The following NTRK3 variants were observed in gnomAD, a reference collection of about 807,000 sequenced individuals.
The protein encoded by NTRK3 is NT-3 growth factor receptor.
Under a neutral mutation model 91.7 loss-of-function variants are expected in NTRK3, and 24 were observed. The observed-to-expected ratio is 0.26, with a 90% CI of 0.19 to 0.37. The LOEUF (loss-of-function observed/expected upper bound fraction) is 0.37. Among genes scored for constraint, NTRK3 ranks in the 10% least tolerant of loss-of-function variants. The pLI is 1.00. For synonymous variants in NTRK3, 483 were observed against 404.0 expected, an observed-to-expected ratio of 1.20 and a Z score of -2.34; for missense variants, 880 against 1,068.9, an observed-to-expected ratio of 0.82 and a Z score of 2.46.
intron 14 of NTRK3, among the ~76,000 whole-genome samples, chr15:87,945,999 A>G (rs888761917): frequency 6.6e-6 from 1 of 152,232 alleles, no homozygotes; most frequent in Non-Finnish European, 1.5e-5. Flanking sequence ...TATCTAAAAT[A>G]TATTAGACAT....
At chr15:88,040,320 A>G (rs1476293322) in intron 13 of NTRK3, among the ~76,000 whole-genome samples, 1 of 152,216 alleles carries the variant, frequency 6.6e-6, no homozygotes, top group Non-Finnish European at 1.5e-5. Flanking sequence ...CCCAGTCCCA[A>G]GAGAGGAGCC....
intron 3 of NTRK3, among the ~76,000 whole-genome samples, chr15:88,238,775 T>A (rs1401901284): frequency 6.6e-6 from 1 of 152,260 alleles, no homozygotes; most frequent in African/African-American, 2.4e-5. Context: ...ATGCCGTGAT[T>A]CAGCTCTTGA....
intron 3 of NTRK3, among the ~76,000 whole-genome samples, chr15:88,227,761 C>T (rs2050803956): frequency 6.6e-6 from 1 of 152,090 alleles, no homozygotes; most frequent in African/African-American, 2.4e-5. Context: ...TTCCTCCCTC[C>T]CCCTTTACCC....
At chr15:87,911,914 TTA>T (rs2067108191) in intron 17 of NTRK3, among the ~76,000 whole-genome samples, 1 of 152,230 alleles carries the variant, frequency 6.6e-6, no homozygotes, top group East Asian at 1.9e-4. Flanking sequence ...CTGTGAATGA[TTA>T]TGTGTCAATC....
chr15:88,184,352 T>C (rs930397181), intron 3 of NTRK3, 53 bp from the exon 4 acceptor site: 2 of 1,570,084 alleles, frequency 1.3e-6, no homozygotes, highest in Non-Finnish European at 1.7e-6. Flanking sequence ...GAAATGGGGC[T>C]GGCTTTGGAG....
At position 87,979,144 on chromosome 15, in the gene NTRK3, G is replaced by C; in HGVS notation, c.1586-38391C>G. On this transcript the variant is annotated intron_variant, in intron 14 of 18. Coordinates refer to ENST00000394480, the Ensembl canonical transcript of NTRK3. ...GAAAAAAGGAGCACAGTGATGATTG[G>C]AGGGAAGGGGCAACCCTGCCAGTGG... 3 of 624,100 alleles carry C rather than the reference G, an allele frequency of 4.8e-6. No individual in the cohort carries two copies. The East Asian group carries it at 8.2e-5, about 17-fold the overall frequency. The allele number at this position is 624,100 out of a possible 1,614,324, so 38.7% of individuals were successfully genotyped here. A position where few individuals can be genotyped will look rare whatever the true frequency, so the allele number is the denominator to read the frequency against.
chr15:88,012,030 G>A (rs910556516), intron 14 of NTRK3, among the ~76,000 whole-genome samples: 1 of 152,164 alleles, frequency 6.6e-6, no homozygotes, highest in African/African-American at 2.4e-5. Flanking sequence ...AACATGGGGA[G>A]AGAGCACAGC....
chr15:88,073,980 A>G (rs1306000829), intron 13 of NTRK3, among the ~76,000 whole-genome samples: 1 of 152,192 alleles, frequency 6.6e-6, no homozygotes, highest in Non-Finnish European at 1.5e-5. Context: ...GCCTCAGGTA[A>G]CTCACCAAAT....
At chr15:87,886,697 T>TATATATATATATACAC (rs1335887821) in intron 17 of NTRK3, among the ~76,000 whole-genome samples, 3 of 135,880 alleles carry the variant, frequency 2.2e-5, no homozygotes, top group South Asian at 2.3e-4. Context: ...TATATATATA[T>TATATATATATATACAC]ATACATATAT....
chr15:87,998,570 C>T (rs2075873323), intron 14 of NTRK3, among the ~76,000 whole-genome samples: 1 of 152,190 alleles, frequency 6.6e-6, no homozygotes, highest in African/African-American at 2.4e-5. Flanking sequence ...CTATATGAAT[C>T]CATATTCTGA....
At chr15:87,955,879 T>C (rs1427579746) in intron 14 of NTRK3, among the ~76,000 whole-genome samples, 2 of 152,132 alleles carry the variant, frequency 1.3e-5, no homozygotes, top group Non-Finnish European at 2.9e-5. Flanking sequence ...CATTAAACTT[T>C]ATAGTGTGTG....
At chr15:88,058,492 G>T (rs566291055) in intron 13 of NTRK3, among the ~76,000 whole-genome samples, 1 of 152,256 alleles carries the variant, frequency 6.6e-6, no homozygotes, top group South Asian at 2.1e-4. Flanking sequence ...TCAAACAGGG[G>T]AAGTTCTGTC....
intron 3 of NTRK3, among the ~76,000 whole-genome samples, chr15:88,222,599 G>T (rs1412879225): frequency 3.3e-5 from 5 of 152,214 alleles, no homozygotes; most frequent in Non-Finnish European, 7.3e-5. Flanking sequence ...TCCATTCATA[G>T]GTGGGGAAAC....
chr15:88,000,433 A>G (rs1260103390), intron 14 of NTRK3, among the ~76,000 whole-genome samples: 1 of 152,150 alleles, frequency 6.6e-6, no homozygotes, highest in East Asian at 1.9e-4. Context: ...AAAACATAAA[A>G]TTCACCCTTT....
intron 17 of NTRK3, among the ~76,000 whole-genome samples, chr15:87,889,396 C>CTTTTTTT (rs568030482): frequency 1.2e-4 from 11 of 95,626 alleles, no homozygotes; most frequent in African/African-American, 2.9e-4. Context: ...TTATTAGTTC[C>CTTTTTTT]TTTTTTTTTT....
chr15:88,064,117 G>T (rs1428434924), intron 13 of NTRK3, among the ~76,000 whole-genome samples: 1 of 152,190 alleles, frequency 6.6e-6, no homozygotes, highest in East Asian at 1.9e-4. Flanking sequence ...TGAGACAGAG[G>T]CAGAGAGTGG....
Position 88,104,631 on chromosome 15 carries a change from G to T in NTRK3, c.1396+21640C>A, listed in dbSNP as rs116343722. On this transcript the variant is annotated intron_variant, in intron 13 of 18. Transcript: ENST00000394480. ...TTGTGTGTGTGTCTGCCCCTTCCTGGCTGTCTGCCCTCTCCCAGTCCTTTC... is the reference window on the plus strand; with the variant it reads ...TTGTGTGTGTGTCTGCCCCTTCCTGTCTGTCTGCCCTCTCCCAGTCCTTTC... Among the ~76,000 whole-genome samples, 1,409 of 152,242 alleles carry T rather than the reference G, an allele frequency of 9.3e-3. 18 individuals are homozygous for T. The highest frequency in any genetic ancestry group is 0.03 in the African/African-American group (1,249 of 41,540).
At chr15:88,091,671 G>C (rs2049029426) in intron 13 of NTRK3, among the ~76,000 whole-genome samples, 1 of 152,128 alleles carries the variant, frequency 6.6e-6, no homozygotes, top group Non-Finnish European at 1.5e-5. Flanking sequence ...CAAGAGTAGG[G>C]AGATCACACA....
chr15:87,958,044 A>G (rs750479891), intron 14 of NTRK3, among the ~76,000 whole-genome samples: 35 of 152,174 alleles, frequency 2.3e-4, no homozygotes, highest in Non-Finnish European at 3.7e-4. Context: ...AATGTCTACC[A>G]TGTATTATAT....
Sources: gnomAD v4.1 joint callset for allele counts (sites outside exome capture counted in the v4.1 genomes callset) on GRCh38, gnomAD v4.1.1 for gene constraint, MANE v1.5 for transcripts, NCBI Gene and HGNC (gene_info 2026-07-23, HGNC 2026-07-21) for gene names.